The following BTBD9 variants were observed in gnomAD, a reference collection of about 807,000 sequenced individuals.
The protein encoded by BTBD9 is BTB domain containing 9, also known as BTB/POZ domain-containing protein 9.
Under a neutral mutation model 64.3 loss-of-function variants are expected in BTBD9, and 49 were observed. That is an observed-to-expected ratio of 0.76 (90% CI 0.61 to 0.97). BTBD9 has a LOEUF of 0.97. BTBD9 is among the 50% of genes least tolerant of loss of function. The probability of loss-of-function intolerance (pLI) is 0.00; values close to 1 mark genes in which losing one functional copy is unlikely to be tolerated. For synonymous variants in BTBD9, 260 were observed against 274.7 expected (o/e 0.95, Z 0.53); for missense variants, 598 against 762.1 (o/e 0.78, Z 2.53).
intron 6 of BTBD9, among the ~76,000 whole-genome samples, chr6:38,547,372 G>A (rs1283406301): frequency 6.6e-6 from 1 of 152,188 alleles, no homozygotes; most frequent in East Asian, 1.9e-4. Flanking sequence ...CGAGGCTGCA[G>A]TGAGCCATGA....
At position 38,428,825 on chromosome 6, in the gene BTBD9, G is replaced by A. The variant is rs560574517; in HGVS notation, c.1155-83732C>T. On this transcript the variant is annotated intron_variant, in intron 6 of 10. Transcript: ENST00000481247. ...CCTCCCGGATTCACGCCATTCTCCT[G>A]CCTCAGCCTCCCGAGTAGCTGGGAC... is the stretch of plus-strand genomic sequence containing the variant. 2.4e-3 allele frequency among the ~76,000 whole-genome samples: 355 copies of A among 150,248 alleles called. 11 individuals are homozygous for A. Among genetic ancestry groups the A allele is most frequent in the African/African-American group, 8.5e-3 (345 of 40,574 alleles).
chr6:38,502,422 A>G (rs1007103132), intron 6 of BTBD9, among the ~76,000 whole-genome samples: 3 of 152,148 alleles, frequency 2.0e-5, no homozygotes, highest in African/African-American at 7.2e-5. Flanking sequence ...TTGAGTTTTT[A>G]TTAAAAGAAA....
intron 6 of BTBD9, among the ~76,000 whole-genome samples, chr6:38,431,702 C>T (rs1437829204): frequency 3.3e-5 from 5 of 151,062 alleles, no homozygotes; most frequent in Non-Finnish European, 7.4e-5. Context: ...AATGCACATC[C>T]CCTATCATTT....
chr6:38,358,658 G>A (rs1764824792), intron 6 of BTBD9, among the ~76,000 whole-genome samples: 1 of 152,194 alleles, frequency 6.6e-6, no homozygotes, highest in Admixed American at 6.5e-5. Context: ...GCTTACTCCA[G>A]GGAGGCCAAA....
Position 38,464,013 on chromosome 6 carries a change from C to T in BTBD9, c.1154+113587G>A, listed in dbSNP as rs138994886. 1.3e-3 allele frequency among the ~76,000 whole-genome samples: 198 copies of T among 152,124 alleles called. 1 individual carries two copies. The Middle Eastern group carries it at 0.017, about 13-fold the overall frequency. ...CACCACTGCACTCCAGCCTGGGGAA[C>T]AAAGTGAGACCGTCTCAAAAAAAAG... On this transcript the variant is annotated intron_variant, in intron 6 of 10. Coordinates refer to ENST00000481247, the MANE Select transcript of BTBD9 (RefSeq NM_001099272.2).
At chr6:38,508,887 G>C (rs1772658481) in intron 6 of BTBD9, among the ~76,000 whole-genome samples, 1 of 151,652 alleles carries the variant, frequency 6.6e-6, no homozygotes, top group Non-Finnish European at 1.5e-5. Context: ...AACCTTCTAA[G>C]ACTAAGCTAG....
intron 6 of BTBD9, among the ~76,000 whole-genome samples, chr6:38,375,949 AGGAAAGAAAG>A (rs1765677801): frequency 1.2e-5 from 1 of 82,644 alleles, no homozygotes; most frequent in East Asian, 1.7e-3. Flanking sequence ...GAAGGAAAGA[AGGAAAGAAAG>A]AAAGAAAAAA....
chr6:38,437,187 C>T (rs982797340), intron 6 of BTBD9, among the ~76,000 whole-genome samples: 3 of 152,262 alleles, frequency 2.0e-5, no homozygotes, highest in African/African-American at 7.2e-5. Flanking sequence ...GAAAGGTCAA[C>T]GTGACACAAA....
At chr6:38,360,875 A>G (rs1470140710) in intron 6 of BTBD9, among the ~76,000 whole-genome samples, 1 of 152,180 alleles carries the variant, frequency 6.6e-6, no homozygotes, top group Non-Finnish European at 1.5e-5. Context: ...TGTTTTGTTT[A>G]TTAGTAGGTA....
chr6:38,392,875 A>T (rs1453496763), intron 6 of BTBD9, among the ~76,000 whole-genome samples: 5 of 137,314 alleles, frequency 3.6e-5, no homozygotes, highest in South Asian at 2.3e-4. Context: ...TAAGACAATG[A>T]TTTTTTTTTT....
intron 10 of BTBD9, among the ~76,000 whole-genome samples, chr6:38,176,777 C>T (rs1182386463): frequency 2.0e-5 from 3 of 152,170 alleles, no homozygotes; most frequent in Non-Finnish European, 4.4e-5. Flanking sequence ...TCCACTCCTT[C>T]ATCAGCTTCA....
At position 38,356,102 on chromosome 6, in the gene BTBD9, T is replaced by TA. The variant is rs1181346565; in HGVS notation, c.1155-11010dup. Among the ~76,000 whole-genome samples the TA allele has an allele frequency of 5.3e-5, 8 of 152,096 alleles. No homozygotes were observed. In the South Asian group the frequency reaches 1.0e-3, roughly 20 times the overall value. On this transcript the variant is annotated intron_variant, in intron 6 of 10. Transcript: ENST00000481247. ...ATTTTCTTCCTTTTGTCTTTTTTTTTAAAAAACCATGTCCTGCTCTTGGAG... is the reference window on the plus strand; with the variant it reads ...ATTTTCTTCCTTTTGTCTTTTTTTTTAAAAAAACCATGTCCTGCTCTTGGAG...
At chr6:38,505,683 T>G (rs1365181103) in intron 6 of BTBD9, among the ~76,000 whole-genome samples, 3 of 150,200 alleles carry the variant, frequency 2.0e-5, no homozygotes, top group Non-Finnish European at 3.0e-5. Flanking sequence ...AGAGAACTCT[T>G]GGGCTAGGTG....
At chr6:38,237,550 G>A (rs529079672) in intron 9 of BTBD9, among the ~76,000 whole-genome samples, 11 of 152,148 alleles carry the variant, frequency 7.2e-5, no homozygotes, top group Non-Finnish European at 1.5e-4. Context: ...AAAATCACAT[G>A]ATATCACAAA....
chr6:38,499,839 T>C (rs796214426), intron 6 of BTBD9, among the ~76,000 whole-genome samples: 18 of 152,364 alleles, frequency 1.2e-4, no homozygotes, highest in African/African-American at 3.8e-4. Context: ...GTTGACATCT[T>C]GTTCCTGCTT....
At chr6:38,548,145 A>T (rs959396069) in intron 6 of BTBD9, among the ~76,000 whole-genome samples, 2 of 152,236 alleles carry the variant, frequency 1.3e-5, no homozygotes, top group Non-Finnish European at 1.5e-5. Flanking sequence ...CAGCAAATCT[A>T]TAAGTATACT....
intron 6 of BTBD9, among the ~76,000 whole-genome samples, chr6:38,374,294 T>TATACACAC (rs1282896109): frequency 2.5e-5 from 2 of 80,412 alleles, no homozygotes; most frequent in Admixed American, 1.3e-4. Flanking sequence ...TATATATATA[T>TATACACAC]ATGTATATAT....
At chr6:38,490,620 G>A (rs1477921368) in intron 6 of BTBD9, among the ~76,000 whole-genome samples, 1 of 152,024 alleles carries the variant, frequency 6.6e-6, no homozygotes, top group African/African-American at 2.4e-5. Flanking sequence ...GTGCCCGGCC[G>A]ACACATCCAG....
At chr6:38,525,775 A>G (rs1454545589) in intron 6 of BTBD9, among the ~76,000 whole-genome samples, 1 of 152,136 alleles carries the variant, frequency 6.6e-6, no homozygotes, top group Non-Finnish European at 1.5e-5. Context: ...GAGGGAGATG[A>G]TTTCTTCTGG....
Sources: gnomAD v4.1 joint callset for allele counts (sites outside exome capture counted in the v4.1 genomes callset) on GRCh38, gnomAD v4.1.1 for gene constraint, MANE v1.5 for transcripts, NCBI Gene and HGNC (gene_info 2026-07-23, HGNC 2026-07-21) for gene names.